Variants in PTPRG observed in about 807,000 individuals in gnomAD.
PTPRG encodes the protein protein tyrosine phosphatase receptor type G.
Under a neutral mutation model 165.3 loss-of-function variants are expected in PTPRG, and 102 were observed. The ratio of observed to expected loss-of-function variants is 0.62; its 90% CI spans 0.53 to 0.73. PTPRG has a LOEUF of 0.73. PTPRG is among the 30% of genes least tolerant of loss of function. PTPRG has a pLI of 0.00. For missense variants in PTPRG, 1,866 were observed against 1,861.4 expected (o/e 1.00, Z -0.05); for synonymous variants, 675 against 669.5 (o/e 1.01, Z -0.13).
At chr3:61,883,015 C>T (rs371085998) in intron 2 of PTPRG, among the ~76,000 whole-genome samples, 5 of 152,138 alleles carry the variant, frequency 3.3e-5, no homozygotes, top group Admixed American at 1.3e-4. Context: ...AACCTTCAAC[C>T]CCTGTGTTCA....
chr3:62,004,329 T>C (rs2041242094), intron 4 of PTPRG, among the ~76,000 whole-genome samples: 1 of 152,218 alleles, frequency 6.6e-6, no homozygotes, highest in African/African-American at 2.4e-5. Flanking sequence ...CCAATAGTCC[T>C]ATAGACAGTT....
intron 2 of PTPRG, among the ~76,000 whole-genome samples, chr3:61,780,895 G>A (rs956133478): frequency 2.6e-5 from 4 of 152,194 alleles, no homozygotes; most frequent in African/African-American, 4.8e-5. Context: ...ACTTGATGGC[G>A]TGATATTATA....
chr3:62,167,811 C>T (rs1705052351), intron 7 of PTPRG, among the ~76,000 whole-genome samples, 160 bp from the exon 8 acceptor site: 1 of 152,174 alleles, frequency 6.6e-6, no homozygotes, highest in South Asian at 2.1e-4. Flanking sequence ...AGCAGGCAGC[C>T]TCAGGTCCTG....
intron 2 of PTPRG, among the ~76,000 whole-genome samples, chr3:61,841,903 A>G (rs1216212816): frequency 1.3e-5 from 2 of 152,230 alleles, no homozygotes; most frequent in South Asian, 2.1e-4. Context: ...AATTACCCAT[A>G]AAAATCCCGA....
chr3:61,997,449 T>A (rs1203126), intron 3 of PTPRG, among the ~76,000 whole-genome samples: 27,586 of 152,114 alleles, frequency 0.18, 2,792 homozygotes, highest in Non-Finnish European at 0.23. Context: ...TGGGTACCTG[T>A]CACCTTGGCT....
intron 2 of PTPRG, among the ~76,000 whole-genome samples, chr3:61,854,508 C>T (rs1216243684): frequency 6.6e-6 from 1 of 152,118 alleles, no homozygotes; most frequent in Admixed American, 6.6e-5. Context: ...AAGGTCTGTG[C>T]CTGTTCAGTG....
chr3:62,156,594 T>A (rs920835233), intron 6 of PTPRG, among the ~76,000 whole-genome samples: 1 of 152,312 alleles, frequency 6.6e-6, no homozygotes, highest in Non-Finnish European at 1.5e-5. Flanking sequence ...CTTACAGTTT[T>A]CTTTTCACAG....
chr3:62,112,200 A>G (rs1286814978), intron 5 of PTPRG, among the ~76,000 whole-genome samples: 2 of 151,848 alleles, frequency 1.3e-5, no homozygotes, highest in Non-Finnish European at 1.5e-5. Context: ...TGCCTCCCAG[A>G]TTCAAGTGAT....
rs1455641485 is a variant in PTPRG, at chr3:61,833,312, C to T, written c.190+84330C>T. On this transcript the variant is annotated intron_variant, in intron 2 of 29. Transcript: ENST00000474889. ...GCAATTTGCTACATCTGTCAAAATC[C>T]AGTGTGCATGTGCTTGATATAGCAA... 1.3e-5 allele frequency among the ~76,000 whole-genome samples: 2 copies of T among 152,142 alleles called. 1 individual carries two copies. The highest frequency in any genetic ancestry group is 3.9e-4 in the East Asian group (2 of 5,188).
At chr3:61,999,295 C>G (rs1021930155) in intron 3 of PTPRG, among the ~76,000 whole-genome samples, 1 of 152,144 alleles carries the variant, frequency 6.6e-6, no homozygotes. Context: ...GATCCGCCCC[C>G]CTCAGCCTCC....
chr3:61,836,892 A>C (rs1022216793), intron 2 of PTPRG, among the ~76,000 whole-genome samples: 2 of 148,932 alleles, frequency 1.3e-5, no homozygotes, highest in Non-Finnish European at 3.0e-5. Flanking sequence ...CTACAGGCAC[A>C]CGCCACCAGG....
intron 2 of PTPRG, among the ~76,000 whole-genome samples, chr3:61,936,528 A>T (rs767567173): frequency 1.3e-5 from 2 of 151,940 alleles, no homozygotes; most frequent in Non-Finnish European, 2.9e-5. Context: ...TCAACCCCCT[A>T]CCCGCCCCCT....
chr3:61,742,944 A>G (rs1575625587), intron 1 of PTPRG: 1 of 1,472,316 alleles, frequency 6.8e-7, no homozygotes, highest in Non-Finnish European at 9.5e-7. Flanking sequence ...GAGTGGACTT[A>G]AGTCTGACGG....
chr3:61,656,735 G>A (rs554817553), intron 1 of PTPRG, among the ~76,000 whole-genome samples: 2 of 152,304 alleles, frequency 1.3e-5, no homozygotes, highest in South Asian at 4.1e-4. Flanking sequence ...GTAGATTGAA[G>A]ATATTTTCCT....
At chr3:61,609,138 C>T (rs1159109864) in intron 1 of PTPRG, among the ~76,000 whole-genome samples, 1 of 152,194 alleles carries the variant, frequency 6.6e-6, no homozygotes, top group South Asian at 2.1e-4. Flanking sequence ...ATACCTTCAT[C>T]AAGGTATAGG....
chr3:62,273,217 G>C lies in PTPRG; in HGVS notation c.3318+136G>C. 1 of 1,004,726 alleles carries C rather than the reference G, an allele frequency of 1.0e-6. No individual in the cohort carries two copies. 62.2% of individuals were successfully genotyped at this position (1,004,726 alleles called of 1,614,324 possible). ...ACAGGTTTGTATTAGAAGATATTCT[G>C]ACAATGATCCTATTCTACGGATCAC... On this transcript the variant is annotated intron_variant, in intron 22 of 29. Transcript: ENST00000474889. The surrounding 1 kb of genome is among the most constrained non-coding windows in gnomAD (Gnocchi z 4.1).
intron 6 of PTPRG, among the ~76,000 whole-genome samples, chr3:62,152,130 C>T (rs1225173531): frequency 6.6e-6 from 1 of 151,900 alleles, no homozygotes; most frequent in Non-Finnish European, 1.5e-5. Context: ...CTTTGGGAGG[C>T]TGGGGCTGGA....
At chr3:61,637,169 T>C (rs1215604950) in intron 1 of PTPRG, among the ~76,000 whole-genome samples, 4 of 152,186 alleles carry the variant, frequency 2.6e-5, no homozygotes, top group Non-Finnish European at 4.4e-5. Context: ...TAAAAATCCT[T>C]ATGTTTGTAC....
intron 1 of PTPRG, among the ~76,000 whole-genome samples, chr3:61,724,362 T>C (rs1036897310): frequency 7.2e-5 from 11 of 152,172 alleles, no homozygotes; most frequent in Admixed American, 7.2e-4. Flanking sequence ...TTCTGTGGCA[T>C]GGATGCACCA....
Sources: allele counts gnomAD v4.1 joint callset (sites outside exome capture counted in the v4.1 genomes callset), GRCh38; gene constraint gnomAD v4.1.1; non-coding constraint Gnocchi (gnomAD v3.1); transcripts MANE v1.5; gene names NCBI Gene and HGNC (gene_info 2026-07-23, HGNC 2026-07-21).